Variants in MAST4 observed in about 807,000 individuals in gnomAD.
MAST4 encodes the protein microtubule-associated serine/threonine-protein kinase 4.
A neutral mutation model predicts 162.7 loss-of-function variants in MAST4; 89 were observed. That is an observed-to-expected ratio of 0.55 (90% CI 0.46 to 0.65). The LOEUF (loss-of-function observed/expected upper bound fraction) is 0.65. Among genes scored for constraint, MAST4 ranks in the 30% least tolerant of loss-of-function variants. The pLI is 0.00. For synonymous variants in MAST4, 1,479 were observed against 1,361.1 expected (o/e 1.09, Z -1.91); for missense variants, 3,153 against 3,374.0 (o/e 0.93, Z 1.62).
At chr5:67,153,057 A>G (rs1393851996) in intron 25 of MAST4, among the ~76,000 whole-genome samples, 191 bp downstream of exon 25, 2 of 152,234 alleles carry the variant, frequency 1.3e-5, no homozygotes, top group Non-Finnish European at 2.9e-5. Context: ...ATATCTCATA[A>G]TTCTGTCCAG....
At chr5:66,912,635 T>C (rs1435518104) in intron 4 of MAST4, among the ~76,000 whole-genome samples, 2 of 152,180 alleles carry the variant, frequency 1.3e-5, no homozygotes, top group Non-Finnish European at 1.5e-5. Flanking sequence ...TTGAATTTGA[T>C]AGAATCATGG....
chr5:66,967,180 T>G (rs1301846972), intron 4 of MAST4, among the ~76,000 whole-genome samples: 2 of 152,016 alleles, frequency 1.3e-5, no homozygotes, highest in African/African-American at 4.8e-5. Context: ...TAGGACAGAG[T>G]GGTGGTGGTG....
intron 3 of MAST4, among the ~76,000 whole-genome samples, chr5:66,816,088 T>TG (rs1231319422): frequency 1.3e-5 from 2 of 152,210 alleles, no homozygotes; most frequent in African/African-American, 4.8e-5. Flanking sequence ...TCCATGCAAA[T>TG]GCTAGTCTTT....
intron 1 of MAST4, among the ~76,000 whole-genome samples, chr5:66,607,980 G>A (rs1743001015): frequency 6.6e-6 from 1 of 151,668 alleles, no homozygotes; most frequent in Non-Finnish European, 1.5e-5. Flanking sequence ...TGTACAACAC[G>A]ATGTTCTGAT....
chr5:66,615,726 T>C (rs571652605), intron 1 of MAST4, among the ~76,000 whole-genome samples: 79 of 152,122 alleles, frequency 5.2e-4, no homozygotes, highest in African/African-American at 1.9e-3. Context: ...GACGGAGGAT[T>C]GAGCCCAGGA....
chr5:67,147,127 G>T (rs1159833021), intron 23 of MAST4, among the ~76,000 whole-genome samples: 1 of 151,910 alleles, frequency 6.6e-6, no homozygotes, highest in African/African-American at 2.4e-5. Context: ...CCTAGGTCCT[G>T]CCATGCATTT....
chr5:67,155,147 A>G (rs938067787), intron 26 of MAST4, among the ~76,000 whole-genome samples: 3 of 152,232 alleles, frequency 2.0e-5, no homozygotes, highest in African/African-American at 7.2e-5. Flanking sequence ...AGCATTTTCC[A>G]TGTTTCATAG....
At chr5:66,912,256 G>A (rs992727610) in intron 4 of MAST4, among the ~76,000 whole-genome samples, 16 of 152,108 alleles carry the variant, frequency 1.1e-4, no homozygotes, top group Admixed American at 6.5e-5. Context: ...GCTCCTTTTG[G>A]CCTCTCTCCC....
chr5:66,812,392 T>C (rs1485526686), intron 3 of MAST4, among the ~76,000 whole-genome samples: 1 of 152,124 alleles, frequency 6.6e-6, no homozygotes, highest in Admixed American at 6.5e-5. Context: ...CACAAAACCT[T>C]GAAACATGGC....
chr5:66,873,898 G>A (rs930464141), intron 3 of MAST4, among the ~76,000 whole-genome samples: 3 of 152,132 alleles, frequency 2.0e-5, no homozygotes, highest in Non-Finnish European at 4.4e-5. Context: ...TTCAGAGGAA[G>A]TTAATTTTTA....
rs191454545 is a variant in MAST4 at position 66,860,568 on chromosome 5, A to C, written c.643-39383A>C. Among the ~76,000 whole-genome samples the C allele has an allele frequency of 5.9e-5, 9 of 151,776 alleles. No homozygotes were observed. The South Asian group carries it at 1.0e-3, about 18-fold the overall frequency. ...GTTTCTTTAACTATCTTTCAGCTGC[A>C]TAAGATTAGCACATTTTTCTTGGCA... On this transcript the variant is annotated intron_variant, in intron 3 of 28. Coordinates refer to ENST00000403625, the MANE Select transcript of MAST4 (RefSeq NM_001164664.2).
chr5:66,946,561 T>C (rs969727165), intron 4 of MAST4, among the ~76,000 whole-genome samples: 2 of 152,198 alleles, frequency 1.3e-5, no homozygotes, highest in Admixed American at 6.5e-5. Context: ...AGTATATTGC[T>C]GCTCTGCCCT....
At chr5:67,113,861 C>T (rs1354470988) in intron 11 of MAST4, among the ~76,000 whole-genome samples, 3 of 152,180 alleles carry the variant, frequency 2.0e-5, no homozygotes. Context: ...TGGAAATGAT[C>T]ATTATCTTTG....
intron 12 of MAST4, among the ~76,000 whole-genome samples, chr5:67,117,761 A>T (rs1767091088): frequency 6.6e-6 from 1 of 151,518 alleles, no homozygotes; most frequent in African/African-American, 2.4e-5. Flanking sequence ...TGATTTTTTT[A>T]AAGTATAAAA....
In MAST4 at chr5:66,792,785, T is replaced by G. The variant is rs1352813953; in HGVS notation, c.642+3991T>G. 2.0e-5 allele frequency among the ~76,000 whole-genome samples: 3 copies of G among 152,250 alleles called. No individual in the cohort carries two copies. In the East Asian group the frequency reaches 5.8e-4, roughly 29 times the overall value. On this transcript the variant is annotated intron_variant, in intron 3 of 28. Transcript: ENST00000403625. ...ATTAGTGTCTACATTCAAGGAAATTTCATTAGTCTGCTTTTAAGCAATCAT... is the reference window on the plus strand; with the variant it reads ...ATTAGTGTCTACATTCAAGGAAATTGCATTAGTCTGCTTTTAAGCAATCAT...
chr5:66,628,070 C>T (rs1208861801), intron 1 of MAST4, among the ~76,000 whole-genome samples: 1 of 152,200 alleles, frequency 6.6e-6, no homozygotes, highest in African/African-American at 2.4e-5. Flanking sequence ...TTTGCTCTCT[C>T]GCCCAGACTA....
chr5:67,028,131 G>A (rs994210906), intron 4 of MAST4, among the ~76,000 whole-genome samples: 2 of 139,778 alleles, frequency 1.4e-5, no homozygotes, highest in African/African-American at 5.2e-5. Flanking sequence ...AGCCATGCAT[G>A]GTGGGGATTA....
chr5:67,006,765 G>A (rs1752089536), intron 4 of MAST4, among the ~76,000 whole-genome samples: 1 of 152,142 alleles, frequency 6.6e-6, no homozygotes, highest in Non-Finnish European at 1.5e-5. Context: ...TACCTGTCCA[G>A]CCTGAACACT....
At chr5:66,698,438 C>A (rs921399601) in intron 1 of MAST4, among the ~76,000 whole-genome samples, 4 of 151,888 alleles carry the variant, frequency 2.6e-5, no homozygotes, top group Non-Finnish European at 5.9e-5. Flanking sequence ...TGTCCTACCC[C>A]CTTGCTGGCT....
Sources: gnomAD v4.1 joint callset for allele counts (sites outside exome capture counted in the v4.1 genomes callset) on GRCh38, gnomAD v4.1.1 for gene constraint, MANE v1.5 for transcripts, NCBI Gene and HGNC (gene_info 2026-07-23, HGNC 2026-07-21) for gene names.